The following CHST11 variants were observed in gnomAD, a reference collection of about 807,000 sequenced individuals.
CHST11 encodes carbohydrate sulfotransferase 11.
Under a neutral mutation model 30.4 loss-of-function variants are expected in CHST11, and 9 were observed. That is an observed-to-expected ratio of 0.30 (90% CI 0.18 to 0.52). CHST11 has a LOEUF of 0.52. Ranked by LOEUF, CHST11 falls within the 20% of genes least tolerant of loss-of-function variation. The pLI, the probability that CHST11 is intolerant of heterozygous loss-of-function variation, is 0.97. For missense variants in CHST11, 348 were observed against 460.6 expected (o/e 0.76, Z 2.24); for synonymous variants, 152 against 187.8 (o/e 0.81, Z 1.56).
At chr12:104,604,503 T>G (rs982487395) in intron 2 of CHST11, among the ~76,000 whole-genome samples, 5 of 152,202 alleles carry the variant, frequency 3.3e-5, no homozygotes, top group Non-Finnish European at 7.3e-5. Flanking sequence ...ACTGTCTTGG[T>G]GATCATTTGG....
chr12:104,656,718 C>T (rs2039547803), intron 2 of CHST11, among the ~76,000 whole-genome samples: 1 of 152,244 alleles, frequency 6.6e-6, no homozygotes, highest in Non-Finnish European at 1.5e-5. Context: ...CACAGATACA[C>T]ACTCACAAAC....
At chr12:104,509,460 C>CA (rs1409047943) in intron 1 of CHST11, among the ~76,000 whole-genome samples, 1 of 152,158 alleles carries the variant, frequency 6.6e-6, no homozygotes, top group Admixed American at 6.5e-5. Flanking sequence ...ATTTGAAGTA[C>CA]AGTTTTTGAG....
At chr12:104,546,595 A>G (rs1626422) in intron 1 of CHST11, among the ~76,000 whole-genome samples, 83,754 of 152,012 alleles carry the variant, frequency 0.55, 24,228 homozygotes, top group East Asian at 0.98. Flanking sequence ...TGGAAAAGGG[A>G]ATTGAAAAAG....
At chr12:104,648,588 T>A (rs2039459477) in intron 2 of CHST11, among the ~76,000 whole-genome samples, 1 of 151,998 alleles carries the variant, frequency 6.6e-6, no homozygotes. Context: ...GGCAGGTGGA[T>A]CACTTGCGGT....
chr12:104,519,661 T>G (rs1315591462), intron 1 of CHST11, among the ~76,000 whole-genome samples: 6 of 152,236 alleles, frequency 3.9e-5, no homozygotes, highest in African/African-American at 1.4e-4. Context: ...AGCCGGTTAT[T>G]ATGGCCCTGC....
At position 104,461,892 on chromosome 12, in the gene CHST11, G is replaced by A. The variant is rs193092330; in HGVS notation, c.118+4363G>A. Among the ~76,000 whole-genome samples the A allele has an allele frequency of 6.4e-3, 979 of 151,946 alleles. 11 individuals carry two copies. The highest frequency in any genetic ancestry group is 0.022 in the African/African-American group (927 of 41,414). ...GAAAATTTAGGAGGTGGCCAGGTGC[G>A]ATGGCTCACACCTGTAATCCCAGCA... is the stretch of plus-strand genomic sequence containing the variant. On this transcript the variant is annotated intron_variant, in intron 1 of 2. Coordinates refer to ENST00000303694, the MANE Select transcript of CHST11 (RefSeq NM_018413.6).
At chr12:104,587,100 G>A (rs528650932) in intron 1 of CHST11, among the ~76,000 whole-genome samples, 1 of 152,262 alleles carries the variant, frequency 6.6e-6, no homozygotes, top group South Asian at 2.1e-4. Context: ...ATTCCTATCA[G>A]TTATCTTCTC....
intron 2 of CHST11, among the ~76,000 whole-genome samples, chr12:104,740,851 A>G (rs1249844480): frequency 6.6e-6 from 1 of 152,212 alleles, no homozygotes; most frequent in African/African-American, 2.4e-5. Context: ...TGACTTCCTC[A>G]GTGAACAGCA....
chr12:104,692,437 A>G (rs1024614866), intron 2 of CHST11, among the ~76,000 whole-genome samples: 1 of 152,252 alleles, frequency 6.6e-6, no homozygotes, highest in East Asian at 1.9e-4. Context: ...AGTGTTTTGC[A>G]TATATTAACC....
intron 1 of CHST11, among the ~76,000 whole-genome samples, chr12:104,598,873 G>T (rs996648765): frequency 6.7e-6 from 1 of 149,904 alleles, no homozygotes; most frequent in Admixed American, 6.7e-5. Context: ...TATCCTCGTG[G>T]CCAGCTGGCC....
intron 2 of CHST11, among the ~76,000 whole-genome samples, chr12:104,712,380 T>G (rs942156353): frequency 4.6e-5 from 7 of 152,160 alleles, no homozygotes; most frequent in African/African-American, 1.7e-4. Flanking sequence ...TTTGATCTCG[T>G]ATTTACTGTG....
chr12:104,514,247 G>A (rs866053120), intron 1 of CHST11: 10 of 865,802 alleles, frequency 1.2e-5, no homozygotes, highest in African/African-American at 9.9e-5. Context: ...TTGGTGTTGG[G>A]GCAGCCACAG....
chr12:104,673,878 C>T (rs990965364), intron 2 of CHST11, among the ~76,000 whole-genome samples: 9 of 152,218 alleles, frequency 5.9e-5, no homozygotes, highest in East Asian at 1.9e-4. Context: ...CATCAATCCA[C>T]GTTGGCTGAG....
intron 2 of CHST11, among the ~76,000 whole-genome samples, chr12:104,662,580 T>C (rs755359655): frequency 6.6e-6 from 1 of 152,222 alleles, no homozygotes; most frequent in Non-Finnish European, 1.5e-5. Flanking sequence ...TCGTGTTTGC[T>C]TTCTGGAGTC....
chr12:104,463,258 CA>C (rs1296643240), intron 1 of CHST11, among the ~76,000 whole-genome samples: 1 of 152,132 alleles, frequency 6.6e-6, no homozygotes, highest in Non-Finnish European at 1.5e-5. Context: ...TGAGGAAAAC[CA>C]GAAGTCATTC....
At chr12:104,556,264 A>G (rs1360723006) in intron 1 of CHST11, among the ~76,000 whole-genome samples, 5 of 152,086 alleles carry the variant, frequency 3.3e-5, no homozygotes, top group Admixed American at 2.6e-4. Context: ...AGACCTCAGG[A>G]GACTTATTCT....
intron 2 of CHST11, among the ~76,000 whole-genome samples, chr12:104,648,539 G>A (rs1796528587): frequency 6.6e-6 from 1 of 152,138 alleles, no homozygotes; most frequent in African/African-American, 2.4e-5. Context: ...GCTGGGCATG[G>A]TGGCTCATGC....
At chr12:104,576,233 T>C (rs974375178) in intron 1 of CHST11, among the ~76,000 whole-genome samples, 2 of 152,092 alleles carry the variant, frequency 1.3e-5, no homozygotes. Context: ...TTATTCCTGC[T>C]TTCAAGATGT....
intron 2 of CHST11, among the ~76,000 whole-genome samples, chr12:104,751,868 T>C (rs1373261493): frequency 1.9e-4 from 29 of 152,366 alleles, no homozygotes; most frequent in Admixed American, 1.9e-3. Flanking sequence ...TTATCTTCAC[T>C]GTACTTTACA....
Sources: gnomAD v4.1 joint callset for allele counts (sites outside exome capture counted in the v4.1 genomes callset) on GRCh38, gnomAD v4.1.1 for gene constraint, MANE v1.5 for transcripts, NCBI Gene and HGNC (gene_info 2026-07-23, HGNC 2026-07-21) for gene names.